The following TSEN54 variants were observed in gnomAD, a reference collection of about 807,000 sequenced individuals.
The protein encoded by TSEN54 is tRNA splicing endonuclease subunit 54.
A neutral mutation model predicts 61.9 loss-of-function variants in TSEN54; 55 were observed. That is an observed-to-expected ratio of 0.89 (90% confidence interval 0.72 to 1.11). The LOEUF is 1.11. Among genes scored for constraint, TSEN54 ranks in the 50% most tolerant of loss-of-function variants. The pLI is 0.00. For missense variants in TSEN54, 760 were observed against 687.7 expected, an observed-to-expected ratio of 1.11 and a Z score of -1.18; for synonymous variants, 304 against 288.7, an observed-to-expected ratio of 1.05 and a Z score of -0.54.
At chr17:75,517,494 G>T in intron 4 of TSEN54, 63 bp from the exon 5 acceptor site, 2 of 1,459,752 alleles carry the variant, frequency 1.4e-6, no homozygotes. Flanking sequence ...CTGGGAAGTT[G>T]CCCCATTCCT....
At position 75,523,503 on chromosome 17, in the gene TSEN54, G is replaced by A. The variant is rs28367187; in HGVS notation, c.1314-160G>A. ...TGTTCGTGTGTGTCTAGGGAAGAGG[G>A]AGAATAACCAGTGGGTTAGCCCAAG... On this transcript the variant is annotated intron_variant, in intron 9 of 10. Coordinates refer to ENST00000333213, the MANE Select transcript of TSEN54 (RefSeq NM_207346.3). 13,875 of 1,598,484 alleles carry A rather than the reference G, an allele frequency of 8.7e-3. 1,054 individuals are homozygous for A. The African/African-American group carries it at 0.16, about 19-fold the overall frequency.
chr17:75,523,915 C>G, intron 10 of TSEN54, 136 bp downstream of exon 10: 1 of 1,005,682 alleles, frequency 9.9e-7, no homozygotes, highest in Admixed American at 2.0e-5. Context: ...GCTAAGTGAC[C>G]TACACAAGGC....
chr17:75,520,435 AATC>A (rs1393134793), intron 6 of TSEN54, among the ~76,000 whole-genome samples: 11,119 of 146,372 alleles, frequency 0.076, 534 homozygotes, highest in Non-Finnish European at 0.088. Flanking sequence ...AAAAAAAAAA[AATC>A]AGCCAGGTGT....
chr17:75,518,540 G>T (rs1444408078), intron 5 of TSEN54: 1 of 985,318 alleles, frequency 1.0e-6, no homozygotes, highest in Admixed American at 6.1e-5. Flanking sequence ...ATGTTCCTCT[G>T]ATATGAATGC....
At chr17:75,517,109 C>T (rs759215015) in intron 3 of TSEN54, 37 bp downstream of exon 3, 7 of 1,157,218 alleles carry the variant, frequency 6.0e-6, no homozygotes, top group South Asian at 1.6e-5. Context: ...ACCGCCCTCC[C>T]TGCCCTCCCT....
chr17:75,517,714 C>A, intron 5 of TSEN54, 59 bp downstream of exon 5: 1 of 1,424,268 alleles, frequency 7.0e-7, no homozygotes, highest in Non-Finnish European at 9.9e-7. Context: ...TGAGTATTGA[C>A]AAGTACCCAT....
In TSEN54 at chr17:75,516,832, C is replaced by T. The variant is rs1479320072; in HGVS notation, c.143C>T (p.Ser48Leu). Residue 48 changes from serine (S) to leucine (L), a missense_variant, in exon 2 of 11, where the codon TCG becomes TTG. Ser to Leu is a moderately radical substitution (Grantham distance 145). This residue lies in a region of TSEN54 where 667 missense variants were observed against 577.8 expected (regional missense o/e 1.15). Transcript: ENST00000333213. ...HGPKDFLPDG[S>L]AAQAERLRRC... The stretch of plus-strand genomic sequence containing the variant: ...CCCAAGGACTTTCTGCCCGACGGCT[C>T]GGCAGCTCAGGCCGAGCGGCTGCGC... The T allele has an allele frequency of 1.0e-5, 16 of 1,590,136 alleles. No individual in the cohort carries two copies. The highest frequency in any genetic ancestry group is 1.3e-5 in the Non-Finnish European group (15 of 1,175,260).
intron 6 of TSEN54, 47 bp downstream of exon 6, chr17:75,519,094 C>T (rs772103526): frequency 2.5e-6 from 4 of 1,605,390 alleles, no homozygotes; most frequent in Admixed American, 1.7e-5. Flanking sequence ...GTCCTGGGAC[C>T]TGGCTGACTA....
At position 75,523,177 on chromosome 17, in the gene TSEN54, TA is replaced by T. The variant is rs879251884; in HGVS notation, c.1253-88del. The T allele has an allele frequency of 3.4e-3, 4,471 of 1,323,980 alleles. 1 individual carries two copies. The highest frequency in any genetic ancestry group is 3.9e-3 in the Non-Finnish European group (3,678 of 947,488). 82.0% of individuals were successfully genotyped at this position (1,323,980 alleles called of 1,614,324 possible). On this transcript the variant is annotated intron_variant, in intron 8 of 10. Transcript: ENST00000333213. ...CTGGGTGACAGAGTGAGACTCCGTT[TA>T]AAAAAAAAAGTTGCTAAATCTGGCC...
chr17:75,522,343 C>G lies in TSEN54; in HGVS notation c.1252+10C>G. On this transcript the variant is annotated intron_variant, in intron 8 of 10. Transcript: ENST00000333213. ...CAGGCCAGCTCCCCAGGTACCCCCT[C>G]AGCCTGCCACATCTTCGAGGGCCAC... 2 of 1,544,248 alleles carry G rather than the reference C, an allele frequency of 1.3e-6. No homozygotes were observed. Among genetic ancestry groups the G allele is most frequent in the African/African-American group, 1.4e-5 (1 of 73,104 alleles).
chr17:75,521,112 G>A (rs1024683247), intron 6 of TSEN54, among the ~76,000 whole-genome samples: 1 of 141,968 alleles, frequency 7.0e-6, no homozygotes, highest in African/African-American at 2.7e-5. Context: ...TATGGAGAGA[G>A]ATTAGTGTGT....
chr17:75,522,805 C>A, intron 8 of TSEN54: 1 of 265,624 alleles, frequency 3.8e-6, no homozygotes, highest in South Asian at 4.5e-5. Flanking sequence ...GTTGCCAGAT[C>A]AGTTTGATTT....
chr17:75,521,626 A>C, intron 7 of TSEN54, 79 bp from the exon 8 acceptor site: 1 of 1,572,702 alleles, frequency 6.4e-7, no homozygotes, highest in Non-Finnish European at 8.7e-7. Flanking sequence ...ACACTAGGGG[A>C]CCTGCCTTCA....
intron 6 of TSEN54, among the ~76,000 whole-genome samples, chr17:75,520,683 C>G (rs112926881): frequency 2.6e-5 from 4 of 151,966 alleles, no homozygotes; most frequent in South Asian, 2.1e-4. Flanking sequence ...AGGCCAGGCA[C>G]AGTGGCTCAC....
rs200318170 is a variant in TSEN54 at position 75,517,081 on chromosome 17, C to T, written c.285+9C>T. ...AGTTGAAGTCTCCCGCGGTGAGCGGCGGGCTCGGGGACCGGGGACCGCCCT... is the reference window on the plus strand; with the variant it reads ...AGTTGAAGTCTCCCGCGGTGAGCGGTGGGCTCGGGGACCGGGGACCGCCCT... On this transcript the variant is annotated intron_variant, in intron 3 of 10. Coordinates refer to ENST00000333213, the MANE Select transcript of TSEN54 (RefSeq NM_207346.3). 2.2e-5 allele frequency: 35 copies of T among 1,591,046 alleles called. No homozygotes were observed. The highest frequency in any genetic ancestry group is 2.7e-5 in the African/African-American group (2 of 74,034).
chr17:75,522,868 T>C, intron 8 of TSEN54: 1 of 300,272 alleles, frequency 3.3e-6, no homozygotes, highest in South Asian at 3.0e-5. Context: ...TGGGATATGC[T>C]TATACTAAAA....
At chr17:75,518,974 A>ATTTTTTT in intron 5 of TSEN54, 21 bp from the exon 6 acceptor site, 5 of 1,261,032 alleles carry the variant, frequency 4.0e-6, no homozygotes, top group East Asian at 2.8e-5. Context: ...CTGAGCTTTC[A>ATTTTTTT]TTTTTTTTTT....
At position 75,517,086 on chromosome 17, in the gene TSEN54, TCGGGGAC is replaced by T. The variant is rs768614827; in HGVS notation, c.285+24_285+30del. 1.3e-6 allele frequency: 2 copies of T among 1,588,696 alleles called. No homozygotes were observed. The highest frequency in any genetic ancestry group is 2.3e-5 in the East Asian group (1 of 43,638). On this transcript the variant is annotated intron_variant, in intron 3 of 10. Coordinates refer to ENST00000333213, the MANE Select transcript of TSEN54 (RefSeq NM_207346.3). ...AAGTCTCCCGCGGTGAGCGGCGGGC[TCGGGGAC>T]CGGGGACCGCCCTCCCTGCCCTCCC... is the stretch of plus-strand genomic sequence containing the variant.
chr17:75,516,961 G>C, intron 2 of TSEN54, 48 bp from the exon 3 acceptor site: 4 of 1,545,800 alleles, frequency 2.6e-6, no homozygotes, highest in South Asian at 2.4e-5. Flanking sequence ...GGCGGGCCGC[G>C]GGGTCTCCGG....
Sources: gnomAD v4.1 joint callset for allele counts (sites outside exome capture counted in the v4.1 genomes callset) on GRCh38, gnomAD v4.1.1 for gene constraint, gnomAD v4.1.1 regional missense constraint, MANE v1.5 for transcripts, NCBI Gene and HGNC (gene_info 2026-07-23, HGNC 2026-07-21) for gene names.